NAV1: variants seen among roughly 807,000 people sequenced by gnomAD.
The protein encoded by NAV1 is pore membrane and/or filament interacting like protein 3.
In NAV1, 18 loss-of-function variants were observed where a neutral mutation model predicts 175.2. That is an observed-to-expected ratio of 0.10 (90% confidence interval 0.07 to 0.15). The LOEUF (loss-of-function observed/expected upper bound fraction) is 0.15. Among genes scored for constraint, NAV1 ranks in the 10% least tolerant of loss-of-function variants. NAV1 has a pLI of 1.00. For synonymous variants in NAV1, 897 were observed against 978.7 expected (o/e 0.92, Z 1.56); for missense variants, 1,731 against 2,436.6 (o/e 0.71, Z 6.10).
Position 201,635,781 on chromosome 1 carries a change from C to T in NAV1, c.4+6274C>T, listed in dbSNP as rs544078069. On this transcript the variant is annotated intron_variant, in intron 2 of 29. Transcript: ENST00000367302. ...AGAGACTCCACTCTCCAACCTGCAG[C>T]GATCTGCTTCAGCTCCTCCTAGGAA... 4.6e-5 allele frequency among the ~76,000 whole-genome samples: 7 copies of T among 152,328 alleles called. 1 individual carries two copies. Among genetic ancestry groups the T allele is most frequent in the African/African-American group, 1.2e-4 (5 of 41,556 alleles).
At chr1:201,791,223 C>G (rs35540282) in intron 13 of NAV1, 23 of 162,668 alleles carry the variant, frequency 1.4e-4, no homozygotes, top group Non-Finnish European at 2.2e-4. Context: ...AGAATTCTGT[C>G]TAGTGACCAC....
Position 201,808,755 on chromosome 1 carries a change from G to A in NAV1, c.4091G>A (p.Gly1364Asp), listed in dbSNP as rs1483456177. 1 of 1,614,122 alleles carries A rather than the reference G, an allele frequency of 6.2e-7. No homozygotes were observed. Among genetic ancestry groups the A allele is most frequent in the South Asian group, 1.1e-5 (1 of 91,082 alleles). The change falls in exon 20 of 30, where the codon GGC becomes GAC. Residue 1364 changes from glycine (G) to aspartate (D), a missense_variant. Physicochemically the swap from Gly to Asp is moderately conservative, Grantham distance 94 (BLOSUM62 -1). This residue lies in a region of NAV1 where 122 missense variants were observed against 139.4 expected (regional missense o/e 0.88). Transcript: ENST00000367296. The surrounding 1 kb of genome is among the most constrained non-coding windows in gnomAD (Gnocchi z 5.5). Reference sequence around the variant, plus strand: ...AATGACCGACTGAAGGTAGCCCCAGGCCCCTCATCAGGCTCCACTCCAGGG... The same window carrying A: ...AATGACCGACTGAAGGTAGCCCCAGACCCCTCATCAGGCTCCACTCCAGGG...
At chr1:201,783,462 A>G (rs748056684) in exon 7 of NAV1, 1 of 1,613,752 alleles carries the variant, frequency 6.2e-7, no homozygotes, top group Non-Finnish European at 8.5e-7. Context: ...GACAAGGTCA[A>G]CTCCAACAGT....
Position 201,786,697 on chromosome 1 carries a change from T to C in NAV1, c.2995+120T>C, listed in dbSNP as rs1676774280. ...GTTTGACTCATGCTGTATTGGGTTG[T>C]TTCATGGTGCCTCAGTTTATCCACC... is the stretch of plus-strand genomic sequence containing the variant. On this transcript the variant is annotated intron_variant, in intron 9 of 29. Coordinates refer to ENST00000367296, the Ensembl canonical transcript of NAV1. 8.4e-6 allele frequency: 8 copies of C among 951,556 alleles called. No individual in the cohort carries two copies. In the South Asian group the frequency reaches 1.3e-4, roughly 16 times the overall value. 58.9% of individuals were successfully genotyped at this position (951,556 alleles called of 1,614,324 possible).
intron 8 of NAV1, among the ~76,000 whole-genome samples, chr1:201,785,592 G>A (rs903676): frequency 0.29 from 43,581 of 151,724 alleles, 7,605 homozygotes; most frequent in African/African-American, 0.5. Flanking sequence ...TTGCACATGG[G>A]AATCATGCAC....
rs1025001418 is a variant in NAV1 at position 201,594,358 on chromosome 1, G to A, written c.-33+5709G>A. Among the ~76,000 whole-genome samples, 6 of 152,176 alleles carry A rather than the reference G, an allele frequency of 3.9e-5. 1 individual carries two copies. The South Asian group carries it at 1.2e-3, about 31-fold the overall frequency. ...CAGGAGAAAGGGAGGGGAGGAGGTG[G>A]TTGCTGGAATGGAAAGCTTGTGGAG... On this transcript the variant is annotated intron_variant, in intron 2 of 33. Coordinates refer to the NAV1 transcript ENST00000685211.
chr1:201,629,687 AC>A (rs1668431633), intron 2 of NAV1, 180 bp downstream of exon 4: 1 of 350,504 alleles, frequency 2.9e-6, no homozygotes, highest in Non-Finnish European at 5.3e-6. Context: ...GGTCCATCAA[AC>A]CCAGGAGCCT....
upstream of NAV1, among the ~76,000 whole-genome samples, chr1:201,645,413 A>C (rs1364262422): frequency 3.5e-5 from 2 of 57,584 alleles, no homozygotes; most frequent in African/African-American, 7.4e-5. Flanking sequence ...GGGTGGGGGG[A>C]GGGGGGAGGG....
chr1:201,674,436 T>C (rs1416944389), intron 1 of NAV1, among the ~76,000 whole-genome samples: 1 of 151,946 alleles, frequency 6.6e-6, no homozygotes, highest in East Asian at 1.9e-4. Context: ...TAAGAAATAG[T>C]CATTGCTGGT....
intron 2 of NAV1, among the ~76,000 whole-genome samples, chr1:201,593,453 A>G (rs1405411015): frequency 6.6e-6 from 1 of 152,254 alleles, no homozygotes; most frequent in Admixed American, 6.5e-5. Flanking sequence ...CTTTGGCTGC[A>G]TTCAACTTTC....
intron 1 of NAV1, among the ~76,000 whole-genome samples, chr1:201,625,794 T>G (rs1432779823): frequency 6.6e-6 from 1 of 152,244 alleles, no homozygotes; most frequent in African/African-American, 2.4e-5. Context: ...ATTATCTACC[T>G]TACAAGTCCC....
intron 2 of NAV1, among the ~76,000 whole-genome samples, chr1:201,716,616 C>T (rs1416820645): frequency 3.9e-5 from 6 of 152,316 alleles, no homozygotes; most frequent in South Asian, 4.1e-4. Flanking sequence ...CAGTGGCTCA[C>T]GCCAGTAACC....
At chr1:201,587,110 C>A (rs1667053169) in intron 1 of NAV1, among the ~76,000 whole-genome samples, 1 of 151,674 alleles carries the variant, frequency 6.6e-6, no homozygotes, top group Non-Finnish European at 1.5e-5. Flanking sequence ...ACACAGGAAG[C>A]TGAGGTGGGA....
upstream of NAV1, among the ~76,000 whole-genome samples, chr1:201,622,112 G>T (rs992993857): frequency 3.9e-5 from 6 of 152,164 alleles, no homozygotes; most frequent in African/African-American, 1.4e-4. Context: ...TTTTAGACGA[G>T]GGTGGCAGGA....
At chr1:201,805,285 C>G (rs780503919) in intron 17 of NAV1, among the ~76,000 whole-genome samples, 1 of 152,208 alleles carries the variant, frequency 6.6e-6, no homozygotes, top group South Asian at 2.1e-4. Flanking sequence ...AGCAATCCAA[C>G]AGTGCCACAA....
intron 29 of NAV1, 79 bp from the exon 34 acceptor site, chr1:201,819,758 T>A: frequency 1.5e-6 from 2 of 1,295,692 alleles, no homozygotes; most frequent in East Asian, 2.3e-5. Flanking sequence ...GTGTTGGGAT[T>A]TTGTTGTTGT....
chr1:201,649,244 C>A (rs371052549), exon 1 of NAV1: 9 of 1,613,066 alleles, frequency 5.6e-6, no homozygotes, highest in Middle Eastern at 1.6e-4. Context: ...CTGAAGCGGC[C>A]GTGAGCGAAG....
intron 1 of NAV1, among the ~76,000 whole-genome samples, chr1:201,663,051 G>A (rs1010197445): frequency 6.6e-6 from 1 of 150,836 alleles, no homozygotes; most frequent in Non-Finnish European, 1.5e-5. Flanking sequence ...CCACAGACTG[G>A]CTGCTTCTGC....
chr1:201,645,690 T>TGACAGTGAAAATATA (rs1553247466), upstream of NAV1, among the ~76,000 whole-genome samples: 6 of 151,664 alleles, frequency 4.0e-5, no homozygotes, highest in Admixed American at 3.3e-4. Flanking sequence ...GTGGAATGTG[T>TGACAGTGAAAATATA]CACAGTGAAA....
Sources: gnomAD v4.1 joint callset for allele counts (sites outside exome capture counted in the v4.1 genomes callset) on GRCh38, gnomAD v4.1.1 for gene constraint, gnomAD v4.1.1 regional missense constraint, Gnocchi (gnomAD v3.1) non-coding constraint, MANE v1.5 for transcripts, NCBI Gene and HGNC (gene_info 2026-07-23, HGNC 2026-07-21) for gene names.